AGBL4: variants seen among roughly 807,000 people sequenced by gnomAD.
AGBL4 encodes the protein cytosolic carboxypeptidase 6.
A neutral mutation model predicts 66.4 loss-of-function variants in AGBL4; 58 were observed. The ratio of observed to expected loss-of-function variants is 0.87; its 90% CI spans 0.71 to 1.09. The LOEUF (loss-of-function observed/expected upper bound fraction) is 1.09, where lower values mean the gene tolerates loss of function less well. Among genes scored for constraint, AGBL4 ranks in the 50% least tolerant of loss-of-function variants. The pLI is 0.00. For missense variants in AGBL4, 579 were observed against 631.0 expected (o/e 0.92, Z 0.88); for synonymous variants, 234 against 222.9 (o/e 1.05, Z -0.44).
chr1:49,938,528 C>A (rs1413117416), intron 1 of AGBL4, among the ~76,000 whole-genome samples: 1 of 152,144 alleles, frequency 6.6e-6, no homozygotes, highest in Non-Finnish European at 1.5e-5. Flanking sequence ...CAAAGCCGGG[C>A]AGAGACACAA....
At chr1:49,534,804 T>G (rs1211694780) in intron 3 of AGBL4, among the ~76,000 whole-genome samples, 1 of 152,192 alleles carries the variant, frequency 6.6e-6, no homozygotes, top group Non-Finnish European at 1.5e-5. Flanking sequence ...ATTTCAGTAT[T>G]TTAGAAGCCA....
chr1:49,919,698 A>C (rs1571872592), intron 1 of AGBL4, among the ~76,000 whole-genome samples: 1 of 152,248 alleles, frequency 6.6e-6, no homozygotes, highest in East Asian at 1.9e-4. Context: ...CATCCCCATC[A>C]AGCTACCAAT....
At chr1:48,951,430 A>G (rs1656976965) in intron 5 of AGBL4, among the ~76,000 whole-genome samples, 1 of 152,214 alleles carries the variant, frequency 6.6e-6, no homozygotes, top group African/African-American at 2.4e-5. Context: ...CAATAGACTG[A>G]ATGTTTGTCA....
chr1:49,710,163 C>A (rs1647537286), intron 2 of AGBL4, among the ~76,000 whole-genome samples: 1 of 152,102 alleles, frequency 6.6e-6, no homozygotes, highest in Non-Finnish European at 1.5e-5. Flanking sequence ...AGGCACTGTT[C>A]ACAATAGCAA....
At chr1:48,886,482 CT>C (rs1650357163) in intron 5 of AGBL4, among the ~76,000 whole-genome samples, 1 of 152,158 alleles carries the variant, frequency 6.6e-6, no homozygotes, top group African/African-American at 2.4e-5. Context: ...GCTCTAAAAC[CT>C]GCTGTGGGCG....
At chr1:49,384,047 G>A (rs1427556978) in intron 3 of AGBL4, among the ~76,000 whole-genome samples, 2 of 151,642 alleles carry the variant, frequency 1.3e-5, no homozygotes, top group Non-Finnish European at 2.9e-5. Context: ...CGCCCACCTC[G>A]GCCTCCCAAA....
chr1:49,392,958 A>G (rs1405756884), intron 3 of AGBL4, among the ~76,000 whole-genome samples: 1 of 152,174 alleles, frequency 6.6e-6, no homozygotes, highest in Non-Finnish European at 1.5e-5. Context: ...ATAAGCAAAA[A>G]TTTCAATGTT....
At chr1:49,602,858 A>AATAC (rs1036056147) in intron 3 of AGBL4, among the ~76,000 whole-genome samples, 3 of 151,232 alleles carry the variant, frequency 2.0e-5, no homozygotes, top group Non-Finnish European at 4.4e-5. Flanking sequence ...TAAATAAATA[A>AATAC]ATAAATAAAA....
intron 3 of AGBL4, among the ~76,000 whole-genome samples, chr1:49,380,853 A>T (rs1468127051): frequency 1.3e-5 from 2 of 152,198 alleles, no homozygotes; most frequent in African/African-American, 4.8e-5. Flanking sequence ...TTCAAGATGG[A>T]TTAAAGACTT....
intron 3 of AGBL4, among the ~76,000 whole-genome samples, chr1:49,367,538 G>T (rs1644262491): frequency 4.6e-5 from 7 of 152,092 alleles, no homozygotes. Context: ...CTCAGCCTCA[G>T]GTATCCCTTT....
intron 1 of AGBL4, among the ~76,000 whole-genome samples, chr1:49,880,694 T>C (rs371937452): frequency 3.9e-5 from 6 of 152,288 alleles, no homozygotes; most frequent in East Asian, 1.9e-4. Flanking sequence ...CCACCCAGTT[T>C]GAGCTTCCCG....
chr1:48,949,947 G>A (rs1030201733), intron 5 of AGBL4, among the ~76,000 whole-genome samples: 3 of 152,080 alleles, frequency 2.0e-5, no homozygotes, highest in Non-Finnish European at 4.4e-5. Flanking sequence ...CCTCTAAATA[G>A]GTCTGAACCT....
At chr1:49,771,055 T>A (rs1339423054) in intron 2 of AGBL4, among the ~76,000 whole-genome samples, 1 of 152,114 alleles carries the variant, frequency 6.6e-6, no homozygotes, top group Non-Finnish European at 1.5e-5. Flanking sequence ...TTGGGTTGAT[T>A]GTTCTTGTTT....
intron 1 of AGBL4, among the ~76,000 whole-genome samples, chr1:49,920,363 A>G (rs926686217): frequency 3.9e-5 from 6 of 152,356 alleles, no homozygotes; most frequent in African/African-American, 1.4e-4. Flanking sequence ...TAATATCCAG[A>G]ATCTATAAAG....
At position 49,392,020 on chromosome 1, in the gene AGBL4, G is replaced by C. The variant is rs192747738; in HGVS notation, c.283-146156C>G. On this transcript the variant is annotated intron_variant, in intron 3 of 13. Coordinates refer to ENST00000371839, the MANE Select transcript of AGBL4 (RefSeq NM_032785.4). ...TCTCTTCTGAGCACTGGCTGTTCTA[G>C]ATATAACTTGATCTCAACATCTGGT... Among the ~76,000 whole-genome samples the C allele has an allele frequency of 4.6e-4, 70 of 152,260 alleles. No individual in the cohort carries two copies. In the East Asian group the frequency reaches 0.01, roughly 23 times the overall value.
intron 5 of AGBL4, among the ~76,000 whole-genome samples, chr1:48,990,474 T>A (rs2148977248): frequency 6.6e-6 from 1 of 152,284 alleles, no homozygotes; most frequent in East Asian, 1.9e-4. Context: ...ACCAATGTCC[T>A]GGAGAGGTTC....
intron 2 of AGBL4, among the ~76,000 whole-genome samples, chr1:49,715,682 T>C (rs545101787): frequency 6.6e-6 from 1 of 152,290 alleles, no homozygotes; most frequent in Admixed American, 6.5e-5. Context: ...CTCATTGTGG[T>C]TTTGATTTGT....
intron 3 of AGBL4, among the ~76,000 whole-genome samples, chr1:49,318,423 G>C (rs1645076562): frequency 1.3e-5 from 2 of 151,400 alleles, no homozygotes; most frequent in Admixed American, 6.6e-5. Flanking sequence ...TGATGATGAT[G>C]ATGACGGCAA....
intron 2 of AGBL4, among the ~76,000 whole-genome samples, chr1:49,771,904 G>A (rs1644070299): frequency 6.6e-6 from 1 of 151,910 alleles, no homozygotes; most frequent in African/African-American, 2.4e-5. Context: ...ACATATAGTT[G>A]GATCTTGCTT....
Sources: allele counts gnomAD v4.1 joint callset (sites outside exome capture counted in the v4.1 genomes callset), GRCh38; gene constraint gnomAD v4.1.1; transcripts MANE v1.5; gene names NCBI Gene and HGNC (gene_info 2026-07-23, HGNC 2026-07-21).